Variants in CFAP74 observed in about 807,000 individuals in gnomAD.
CFAP74 encodes the protein cilia- and flagella-associated protein 74.
In CFAP74, 124 loss-of-function variants were observed where a neutral mutation model predicts 188.9. That is an observed-to-expected ratio of 0.66 (90% CI 0.57 to 0.76). The LOEUF (loss-of-function observed/expected upper bound fraction) is 0.76. CFAP74 is among the 30% of genes least tolerant of loss of function. CFAP74 has a pLI of 0.00. For missense variants in CFAP74, 2,198 were observed against 2,165.2 expected, an observed-to-expected ratio of 1.02 and a Z score of -0.30; for synonymous variants, 956 against 916.7, an observed-to-expected ratio of 1.04 and a Z score of -0.77.
intron 1 of CFAP74, among the ~76,000 whole-genome samples, chr1:1,994,898 G>C (rs1312958133): frequency 6.6e-6 from 1 of 152,208 alleles, no homozygotes; most frequent in East Asian, 1.9e-4. Context: ...AGAAACAGGA[G>C]CAAAGAGAAG....
In CFAP74 at chr1:1,988,589, C is replaced by T; in HGVS notation, c.219G>A (p.Gln73=). ...LKKKTAEDRT[Q]AFHLRQNLSA... is the part of the protein sequence containing the mutation. ...TCAGGTTCTGCCGCAGGTGAAATGC[C>T]TGCGTTCTGTCCTCAGCTGTTTTCT... is the stretch of plus-strand genomic sequence containing the variant. The change falls in exon 4 of 39, where the codon CAG becomes CAA. Residue 73 remains glutamine (Q), a synonymous_variant. Transcript: ENST00000682832. 1 of 1,613,262 alleles carries T rather than the reference C, an allele frequency of 6.2e-7. No individual in the cohort carries two copies. The highest frequency in any genetic ancestry group is 2.2e-5 in the East Asian group (1 of 44,890).
chr1:1,944,257 C>T (rs1213773958), intron 21 of CFAP74, 74 bp downstream of exon 21: 15 of 1,506,410 alleles, frequency 1.0e-5, no homozygotes, highest in Admixed American at 6.0e-5. Flanking sequence ...GGGCTCACCG[C>T]GTGTGCACAG....
At position 1,966,434 on chromosome 1, in the gene CFAP74, C is replaced by T. The variant is rs1284826592; in HGVS notation, c.1338G>A (p.Glu446=). 2.4e-5 allele frequency: 39 copies of T among 1,606,946 alleles called. No individual in the cohort carries two copies. The highest frequency in any genetic ancestry group is 3.1e-5 in the Non-Finnish European group (37 of 1,176,166). The change falls in exon 12 of 39, where the codon GAG becomes GAA. Residue 446 remains glutamate (E), a synonymous_variant. Coordinates refer to ENST00000682832, the MANE Select transcript of CFAP74 (RefSeq NM_001304360.2). ...TCTCGGGCTCAGCTAACGTTTCCTC[C>T]TCTGAGCTGGCCCCGGGGTCCCCCT... ...LIQGDPGASS[E]EETLAEPEIS... is the part of the protein sequence containing the mutation.
At chr1:1,989,340 G>T (rs1275777201) in intron 2 of CFAP74, among the ~76,000 whole-genome samples, 7 of 152,248 alleles carry the variant, frequency 4.6e-5, no homozygotes, top group Non-Finnish European at 8.8e-5. Context: ...AGGACAGGGC[G>T]GACGGTGTGA....
chr1:1,962,843 C>G (rs547178764), intron 14 of CFAP74, among the ~76,000 whole-genome samples: 6 of 152,178 alleles, frequency 3.9e-5, no homozygotes, highest in Non-Finnish European at 5.9e-5. Flanking sequence ...GAACTGAGAT[C>G]GTGCCACTGC....
chr1:1,940,330 A>G lies in CFAP74; in HGVS notation c.2689T>C (p.Trp897Arg). The change falls in exon 23 of 39, where the codon TGG (tryptophan) becomes CGG (arginine). Residue 897 changes from tryptophan to arginine, a missense_variant. Coordinates refer to ENST00000682832, the MANE Select transcript of CFAP74 (RefSeq NM_001304360.2). Reference protein sequence around the residue: ...TRVLEAPMTIWVADQNKPVGF... With the variant: ...TRVLEAPMTIRVADQNKPVGF... ...CCAACACAGACCTGGTCGGCAACCC[A>G]TATGGTCATCGGGGCCTCCAGGACT... 2.6e-6 allele frequency: 4 copies of G among 1,535,852 alleles called. No individual in the cohort carries two copies. The highest frequency in any genetic ancestry group is 3.5e-6 in the Non-Finnish European group (4 of 1,146,754).
At chr1:1,926,132 C>A in intron 32 of CFAP74, 96 bp downstream of exon 32, 1 of 1,443,522 alleles carries the variant, frequency 6.9e-7, no homozygotes, top group Non-Finnish European at 9.2e-7. Flanking sequence ...TAGTCCCAGG[C>A]CTGAGCACAG....
Position 1,923,641 on chromosome 1 carries a change from G to C in CFAP74, c.4389+134C>G. On this transcript the variant is annotated intron_variant, in intron 35 of 38. Transcript: ENST00000682832. This position sits in a 1 kb window ranked among gnomAD's most constrained non-coding sequence, Gnocchi z 6.3. ...CCTGGACTCTGGTCTTTCCACTGAC[G>C]GCCCTCAGTGTGGTGCTGAGTCCCC... is the stretch of plus-strand genomic sequence containing the variant. 3 of 1,517,870 alleles carry C rather than the reference G, an allele frequency of 2.0e-6. No homozygotes were observed. The highest frequency in any genetic ancestry group is 2.7e-6 in the Non-Finnish European group (3 of 1,114,890). The allele number at this position is 1,517,870 out of a possible 1,614,324, so 94.0% of individuals were successfully genotyped here.
At chr1:1,997,968 T>C (rs6672175) in intron 1 of CFAP74, among the ~76,000 whole-genome samples, 52,180 of 152,142 alleles carry the variant, frequency 0.34, 9,930 homozygotes, top group African/African-American at 0.52. Context: ...AAACTGGCAT[T>C]AGTTTCCATT....
Position 1,930,084 on chromosome 1 carries a change from T to A in CFAP74, c.3264A>T (p.Ser1088=). ...CCTTTCCTGGCCACACGGTCCCCACTGAGGGCGAGATGGTGATAGGCGAGT... is the reference window on the plus strand; with the variant it reads ...CCTTTCCTGGCCACACGGTCCCCACAGAGGGCGAGATGGTGATAGGCGAGT... ...PPDSPITISP[S]VGTVWPGKRC... is the part of the protein sequence containing the mutation. Residue 1088 remains serine (S), a synonymous_variant, in exon 26 of 39, where the codon TCA becomes TCT. Transcript: ENST00000682832. 1 of 1,529,916 alleles carries A rather than the reference T, an allele frequency of 6.5e-7. No homozygotes were observed. Among genetic ancestry groups the A allele is most frequent in the Non-Finnish European group, 8.8e-7 (1 of 1,142,130 alleles). The allele number at this position is 1,529,916 out of a possible 1,614,324, so 94.8% of individuals were successfully genotyped here. A position where few individuals can be genotyped will look rare whatever the true frequency, so the allele number is the denominator to read the frequency against.
intron 1 of CFAP74, among the ~76,000 whole-genome samples, chr1:2,003,240 A>G (rs1473273896): frequency 1.3e-5 from 2 of 152,180 alleles, no homozygotes; most frequent in Non-Finnish European, 2.9e-5. Context: ...CCTGCTTACT[A>G]CCTCAGTACC....
chr1:1,975,831 C>T lies in CFAP74; in HGVS notation c.501-1633G>A, dbSNP rs1656401359. Among the ~76,000 whole-genome samples, 1 of 152,202 alleles carries T rather than the reference C, an allele frequency of 6.6e-6. No homozygotes were observed. The highest frequency in any genetic ancestry group is 1.5e-5 in the Non-Finnish European group (1 of 68,028). ...GCTGTCACTTCCCCTGCCCGGTGAT[C>T]AGTGCTCCAGTGGCCGTGGGAGCTA... On this transcript the variant is annotated intron_variant, in intron 6 of 38. Coordinates refer to ENST00000682832, the MANE Select transcript of CFAP74 (RefSeq NM_001304360.2). This position sits in a 1 kb window ranked among gnomAD's most constrained non-coding sequence, Gnocchi z 4.5.
At chr1:1,927,169 G>A in intron 28 of CFAP74, 141 bp from the exon 29 acceptor site, 1 of 961,324 alleles carries the variant, frequency 1.0e-6, no homozygotes. Flanking sequence ...TGACAAACTG[G>A]CTTTTCCACC....
At position 1,956,704 on chromosome 1, in the gene CFAP74, G is replaced by A. The variant is rs1193554718; in HGVS notation, c.1932C>T (p.Asn644=). 6.2e-6 allele frequency: 10 copies of A among 1,614,066 alleles called. No homozygotes were observed. Among genetic ancestry groups the A allele is most frequent in the South Asian group, 4.4e-5 (4 of 91,070 alleles). Residue 644 remains asparagine (N), a synonymous_variant, in exon 17 of 39, where the codon AAC becomes AAT. Transcript: ENST00000682832. The stretch of plus-strand genomic sequence containing the variant: ...TGAAAGTCGTGCCCAAGCCCCCAAC[G>A]TTGGTCAGCGTGATGGTCCGAGACG... The part of the protein sequence containing the change: ...ETTSRTITLT[N]VGGLGTTFKF...
At chr1:1,969,705 C>T (rs1013180260) in intron 10 of CFAP74, among the ~76,000 whole-genome samples, 13 of 152,330 alleles carry the variant, frequency 8.5e-5, no homozygotes, top group East Asian at 1.9e-4. Flanking sequence ...TGCCAGGACC[C>T]CCCCGCCCAG....
intron 6 of CFAP74, among the ~76,000 whole-genome samples, chr1:1,982,127 G>A (rs1226306080): frequency 2.0e-5 from 3 of 147,624 alleles, no homozygotes; most frequent in Non-Finnish European, 4.5e-5. Flanking sequence ...GTGACACACA[G>A]GACACCCAGC....
chr1:1,946,492 C>G (rs938262982), intron 19 of CFAP74, 53 bp from the exon 20 acceptor site: 2 of 1,472,938 alleles, frequency 1.4e-6, no homozygotes, highest in Non-Finnish European at 1.8e-6. Context: ...CTTTTAAGAT[C>G]CCTTCCCAAC....
Position 1,963,806 on chromosome 1 carries a change from A to T in CFAP74, c.1637T>A (p.Ile546Asn). The T allele has an allele frequency of 6.2e-7, 1 of 1,613,962 alleles. No homozygotes were observed. Among genetic ancestry groups the T allele is most frequent in the East Asian group, 2.2e-5 (1 of 44,886 alleles). The change falls in exon 14 of 39, where the codon ATC becomes AAC. Residue 546 changes from isoleucine (I) to asparagine (N), a missense_variant. Ile to Asn is a moderately radical substitution (Grantham distance 149). Transcript: ENST00000682832. ...CACGCCCACCAGCTTGCAGTAGTTGATCGTGTAGGTGGTGTTTACCAACGT... is the reference window on the plus strand; with the variant it reads ...CACGCCCACCAGCTTGCAGTAGTTGTTCGTGTAGGTGGTGTTTACCAACGT... ...KITLVNTTYT[I>N]NYCKLVGVEE...
intron 12 of CFAP74, 96 bp from the exon 13 acceptor site, chr1:1,965,157 C>G: frequency 8.1e-7 from 1 of 1,239,292 alleles, no homozygotes; most frequent in Non-Finnish European, 1.1e-6. Context: ...TAGCAGAGCA[C>G]GGACAGCCCA....
Sources: gnomAD v4.1 joint callset for allele counts (sites outside exome capture counted in the v4.1 genomes callset) on GRCh38, gnomAD v4.1.1 for gene constraint, Gnocchi (gnomAD v3.1) non-coding constraint, MANE v1.5 for transcripts, NCBI Gene and HGNC (gene_info 2026-07-23, HGNC 2026-07-21) for gene names.